Variants in SYMPK observed in about 807,000 individuals in gnomAD.
SYMPK encodes the protein symplekin.
In SYMPK, 49 loss-of-function variants were observed where a neutral mutation model predicts 136.4. That is an observed-to-expected ratio of 0.36 (90% CI 0.29 to 0.46). SYMPK has a LOEUF of 0.46. Among genes scored for constraint, SYMPK ranks in the 20% least tolerant of loss-of-function variants. The pLI is 1.00. For synonymous variants in SYMPK, 766 were observed against 713.0 expected (o/e 1.07, Z -1.19); for missense variants, 1,365 against 1,690.0 (o/e 0.81, Z 3.37).
chr19:45,855,672 T>C (rs1971806273), intron 1 of SYMPK: 1 of 151,740 alleles, frequency 6.6e-6, no homozygotes. Flanking sequence ...GAAGACAGTG[T>C]TGACTGTATG....
intron 8 of SYMPK, among the ~76,000 whole-genome samples, chr19:45,843,770 C>T (rs1200927701): frequency 1.3e-5 from 2 of 151,774 alleles, no homozygotes; most frequent in Non-Finnish European, 2.9e-5. Context: ...CACGGTGAAA[C>T]CCCGTCTCTA....
intron 16 of SYMPK, among the ~76,000 whole-genome samples, 185 bp downstream of exon 16, chr19:45,827,325 G>A (rs972561318): frequency 2.5e-4 from 38 of 150,722 alleles, no homozygotes; most frequent in African/African-American, 9.3e-4. Flanking sequence ...TGGTTTCTAG[G>A]CAGCTTGATG....
At chr19:45,854,287 C>T (rs777044493) in intron 2 of SYMPK, 47 bp from the exon 3 acceptor site, 33 of 1,610,262 alleles carry the variant, frequency 2.0e-5, no homozygotes, top group Non-Finnish European at 2.8e-5. Context: ...CCAGTCCAGC[C>T]CAGTGCAGCC....
At chr19:45,853,977 G>C (rs538656133) in intron 3 of SYMPK, among the ~76,000 whole-genome samples, 198 bp downstream of exon 3, 21 of 152,318 alleles carry the variant, frequency 1.4e-4, no homozygotes, top group African/African-American at 5.1e-4. Flanking sequence ...GCTTCTTTCT[G>C]TATAAAACAG....
chr19:45,845,341 T>G (rs1214059449), intron 7 of SYMPK, among the ~76,000 whole-genome samples: 1 of 152,048 alleles, frequency 6.6e-6, no homozygotes, highest in Non-Finnish European at 1.5e-5. Flanking sequence ...TCCCACTTCC[T>G]CCCCAACCGC....
chr19:45,833,435 A>G (rs906697758), intron 11 of SYMPK, among the ~76,000 whole-genome samples: 1 of 152,026 alleles, frequency 6.6e-6, no homozygotes, highest in Non-Finnish European at 1.5e-5. Flanking sequence ...CCCCGTCTCT[A>G]CTAAAAATAC....
In SYMPK at chr19:45,844,675, A is replaced by T. The variant is rs565201992; in HGVS notation, c.677-475T>A. Among the ~76,000 whole-genome samples the T allele has an allele frequency of 4.5e-3, 477 of 107,038 alleles. 3 individuals are homozygous for T. Among genetic ancestry groups the T allele is most frequent in the African/African-American group, 0.014 (460 of 31,970 alleles). 70.2% of individuals were successfully genotyped at this position (107,038 alleles called of 152,430 possible). Reference sequence around the variant, plus strand: ...GGGTGACAGAGTTGGACTCCATATTAAAAAAAAAAAAAATTTAGTTATAAA... The same window carrying T: ...GGGTGACAGAGTTGGACTCCATATTTAAAAAAAAAAAAATTTAGTTATAAA... On this transcript the variant is annotated intron_variant, in intron 7 of 26. Transcript: ENST00000245934.
At chr19:45,839,041 C>T (rs1971373722) in intron 9 of SYMPK, among the ~76,000 whole-genome samples, 1 of 152,186 alleles carries the variant, frequency 6.6e-6, no homozygotes, top group Non-Finnish European at 1.5e-5. Flanking sequence ...CATGCGCCAC[C>T]AGGCCCAGCT....
chr19:45,841,173 A>G (rs1021628476), intron 9 of SYMPK, among the ~76,000 whole-genome samples: 1 of 151,994 alleles, frequency 6.6e-6, no homozygotes, highest in African/African-American at 2.4e-5. Context: ...TAGTAGAGAC[A>G]GGGTTTCACC....
chr19:45,862,254 T>C (rs1024535725), intron 1 of SYMPK, among the ~76,000 whole-genome samples: 2 of 152,206 alleles, frequency 1.3e-5, no homozygotes, highest in Non-Finnish European at 1.5e-5. Context: ...TTGGGATGCG[T>C]GTAGCCTTTT....
rs769105312 is a variant in SYMPK at position 45,816,993 on chromosome 19, G to GAGCC, written c.3082-23_3082-20dup. ...TCCACACCTGAACCAGGGAGGGAGG[G>GAGCC]AGCCGTCGGGAGAGGCACACAGGCA... On this transcript the variant is annotated intron_variant, in intron 23 of 26. Transcript: ENST00000245934. The GAGCC allele has an allele frequency of 1.9e-6, 3 of 1,551,536 alleles. No individual in the cohort carries two copies. The highest frequency in any genetic ancestry group is 4.0e-5 in the Admixed American group (2 of 49,988).
intron 10 of SYMPK, among the ~76,000 whole-genome samples, chr19:45,837,409 G>A (rs1264407724): frequency 6.6e-6 from 1 of 152,032 alleles, no homozygotes; most frequent in East Asian, 1.9e-4. Context: ...CCAGAGGTCA[G>A]GAGTTCAGAC....
chr19:45,841,095 T>C (rs1032241194), intron 9 of SYMPK, among the ~76,000 whole-genome samples: 2 of 151,856 alleles, frequency 1.3e-5, no homozygotes, highest in Admixed American at 6.6e-5. Flanking sequence ...GCAATTCTTC[T>C]GCCTCAGCCT....
chr19:45,858,398 C>T (rs1055223957), intron 1 of SYMPK, among the ~76,000 whole-genome samples: 1 of 152,210 alleles, frequency 6.6e-6, no homozygotes, highest in African/African-American at 2.4e-5. Flanking sequence ...AGACTTTGTG[C>T]CTCTCTTCCG....
intron 1 of SYMPK, among the ~76,000 whole-genome samples, chr19:45,859,953 TAAAA>T (rs61203536): frequency 2.3e-5 from 2 of 85,652 alleles, no homozygotes; most frequent in Admixed American, 1.5e-4. Flanking sequence ...AGACTCCATC[TAAAA>T]AAAAAAAAAA....
chr19:45,830,327 C>T (rs1971138501), intron 12 of SYMPK, 123 bp from the exon 13 acceptor site: 1 of 1,088,484 alleles, frequency 9.2e-7, no homozygotes, highest in Non-Finnish European at 1.3e-6. Flanking sequence ...CCTGCTGCCT[C>T]TCCAGTTCCT....
chr19:45,819,881 C>T (rs1258609873), intron 22 of SYMPK: 1 of 152,556 alleles, frequency 6.6e-6, no homozygotes, highest in Non-Finnish European at 1.5e-5. Context: ...CTGCTGGTGC[C>T]TGAGCAGGAG....
intron 11 of SYMPK, among the ~76,000 whole-genome samples, chr19:45,832,855 CA>C (rs10561490): frequency 0.22 from 25,733 of 118,360 alleles, 2,459 homozygotes; most frequent in East Asian, 0.4. Context: ...ACTAAAAATA[CA>C]AAAAAAAAAA....
chr19:45,846,204 C>T (rs1390700995), intron 7 of SYMPK, among the ~76,000 whole-genome samples: 2 of 152,176 alleles, frequency 1.3e-5, no homozygotes, highest in Non-Finnish European at 1.5e-5. Context: ...CTACTGCACT[C>T]CAGCCTGGGT....
Sources: gnomAD v4.1 joint callset for allele counts (sites outside exome capture counted in the v4.1 genomes callset) on GRCh38, gnomAD v4.1.1 for gene constraint, MANE v1.5 for transcripts, NCBI Gene and HGNC (gene_info 2026-07-23, HGNC 2026-07-21) for gene names.